Variants in PAK3 observed in about 807,000 individuals in gnomAD.
The protein encoded by PAK3 is p21 (RAC1) activated kinase 3.
A neutral mutation model predicts 41.0 loss-of-function variants in PAK3; 4 were observed. That is an observed-to-expected ratio of 0.10 (90% confidence interval 0.05 to 0.22). The LOEUF is 0.22. Ranked by LOEUF, PAK3 falls within the 10% of genes least tolerant of loss-of-function variation. The pLI is 1.00. For synonymous variants in PAK3, 146 were observed against 139.6 expected (o/e 1.05, Z -0.32); for missense variants, 205 against 409.9 (o/e 0.50, Z 4.32).
intron 1 of PAK3, among the ~76,000 whole-genome samples, chrX:111,019,637 C>T: frequency 2.2e-5 from 2 of 89,380 alleles, no homozygotes; most frequent in South Asian, 1.4e-3. Flanking sequence ...CTGCAGTGAC[C>T]TGTGGTTGTG....
intron 1 of PAK3, among the ~76,000 whole-genome samples, chrX:111,070,695 G>A (rs1017420877): frequency 8.9e-6 from 1 of 112,068 alleles, no homozygotes; most frequent in Admixed American, 9.5e-5. Context: ...TTTCAGCTGA[G>A]AACGATATTT....
At chrX:111,138,783 A>G (rs985741386) in intron 5 of PAK3, among the ~76,000 whole-genome samples, 2 of 111,212 alleles carry the variant, frequency 1.8e-5, no homozygotes, top group African/African-American at 6.5e-5. Context: ...CTTGGATATC[A>G]TGCTAAGAAA....
chrX:110,961,677 T>A (rs148794644), intron 1 of PAK3, among the ~76,000 whole-genome samples: 4,376 of 111,919 alleles, frequency 0.039, 107 homozygotes, highest in Middle Eastern at 0.093. Context: ...CTGCCCTATG[T>A]CTCTTCTTCC....
At chrX:111,087,360 T>C (rs1029119353) in intron 1 of PAK3, among the ~76,000 whole-genome samples, 1 of 109,525 alleles carries the variant, frequency 9.1e-6, no homozygotes, top group African/African-American at 3.3e-5. Flanking sequence ...GTCCTTCCCC[T>C]ACAAGTGGTC....
At chrX:111,149,299 G>A (rs765326766) in intron 7 of PAK3, among the ~76,000 whole-genome samples, 12 of 111,646 alleles carry the variant, frequency 1.1e-4, no homozygotes, top group Non-Finnish European at 1.9e-4. Context: ...GAGTGTCTGC[G>A]GCTTTTCCAT....
intron 5 of PAK3, among the ~76,000 whole-genome samples, chrX:111,128,518 G>A: frequency 9.0e-6 from 1 of 111,726 alleles, no homozygotes; most frequent in Non-Finnish European, 1.9e-5. Context: ...TAAGCTCAAA[G>A]CATTTAAGTA....
intron 1 of PAK3, among the ~76,000 whole-genome samples, chrX:111,050,260 A>C (rs186952037): frequency 2.7e-5 from 3 of 111,360 alleles, no homozygotes; most frequent in African/African-American, 6.5e-5. Context: ...CCTTTTTGCC[A>C]TCAGCCCCCA....
At chrX:111,052,450 C>A (rs1030216080) in intron 1 of PAK3, among the ~76,000 whole-genome samples, 6 of 112,680 alleles carry the variant, frequency 5.3e-5, no homozygotes, top group African/African-American at 1.6e-4. Context: ...ATAATAATGA[C>A]AGCCAACATT....
At chrX:110,974,125 A>G (rs1602603877) in intron 1 of PAK3, among the ~76,000 whole-genome samples, 1 of 111,507 alleles carries the variant, frequency 9.0e-6, no homozygotes, top group East Asian at 2.8e-4. Flanking sequence ...GGAGACTTTA[A>G]CACCCCACTG....
chrX:111,121,264 T>G (rs1481396892), intron 4 of PAK3, among the ~76,000 whole-genome samples: 1 of 111,465 alleles, frequency 9.0e-6, no homozygotes, highest in Non-Finnish European at 1.9e-5. Context: ...AAATATAGAA[T>G]TGGTCTTAAT....
At chrX:111,004,001 A>G (rs924474722) in intron 1 of PAK3, among the ~76,000 whole-genome samples, 2 of 112,122 alleles carry the variant, frequency 1.8e-5, no homozygotes, top group South Asian at 7.5e-4. Context: ...TACCTGTGCT[A>G]TATCATATTG....
At chrX:111,159,810 A>G (rs144280165) in intron 8 of PAK3, among the ~76,000 whole-genome samples, 8 of 112,415 alleles carry the variant, frequency 7.1e-5, no homozygotes, top group Admixed American at 5.7e-4. Flanking sequence ...CAGTAAACAT[A>G]CAAACTTCAA....
chrX:111,163,412 A>G, intron 9 of PAK3, 150 bp from the exon 10 acceptor site: 1 of 508,239 alleles, frequency 2.0e-6, no homozygotes, highest in Non-Finnish European at 3.5e-6. Context: ...ATGATCTTTC[A>G]ACAGTGTTGT....
At chrX:110,950,430 T>C (rs1175063305) in intron 1 of PAK3, among the ~76,000 whole-genome samples, 1 of 111,975 alleles carries the variant, frequency 8.9e-6, no homozygotes, top group African/African-American at 3.2e-5. Context: ...AAATTTTACT[T>C]TAAGTTCTGG....
rs1449371432 is a variant in PAK3 at position 111,096,225 on chromosome X, G to A, written c.-543G>A. On this transcript the variant is annotated 5_prime_UTR_variant, in exon 1 of 18. Coordinates refer to ENST00000372007, the MANE Select transcript of PAK3 (RefSeq NM_002578.5). ...GGGCAGCTGTGCCAGCTAACCGTCT[G>A]GGATCTCGCACTGGGGGCTGCAGCT... 8.9e-6 allele frequency: 1 copy of A among 112,181 alleles called. No individual in the cohort carries two copies. The highest frequency in any genetic ancestry group is 1.9e-5 in the Non-Finnish European group (1 of 53,176). The allele number at this position is 112,181 out of a possible 1,213,427, so 9.2% of individuals were successfully genotyped here.
chrX:111,134,200 G>A (rs1302999850), intron 5 of PAK3, among the ~76,000 whole-genome samples: 4 of 111,872 alleles, frequency 3.6e-5, no homozygotes, highest in African/African-American at 9.7e-5. Flanking sequence ...GCCCAGCTAT[G>A]TTACCATATA....
chrX:111,204,718 C>T (rs1030223660), intron 16 of PAK3, among the ~76,000 whole-genome samples: 3 of 110,949 alleles, frequency 2.7e-5, no homozygotes, highest in East Asian at 5.6e-4. Flanking sequence ...TTAGATAAGA[C>T]GCTCTGCAGA....
At chrX:111,055,015 A>G (rs2092592035) in intron 1 of PAK3, among the ~76,000 whole-genome samples, 1 of 112,209 alleles carries the variant, frequency 8.9e-6, no homozygotes, top group East Asian at 2.8e-4. Flanking sequence ...TCTGGGGCTC[A>G]CTACTTACAT....
At chrX:111,182,761 A>G (rs1476423926) in intron 11 of PAK3, among the ~76,000 whole-genome samples, 1 of 111,273 alleles carries the variant, frequency 9.0e-6, no homozygotes, top group Non-Finnish European at 1.9e-5. Context: ...TCTAGATAGG[A>G]GCCTACAAGT....
Sources: gnomAD v4.1 joint callset for allele counts (sites outside exome capture counted in the v4.1 genomes callset) on GRCh38, gnomAD v4.1.1 for gene constraint, MANE v1.5 for transcripts, NCBI Gene and HGNC (gene_info 2026-07-23, HGNC 2026-07-21) for gene names.